Variants in LRRFIP1 observed in about 807,000 individuals in gnomAD.
LRRFIP1 encodes leucine-rich repeat flightless-interacting protein 1.
Under a neutral mutation model 104.4 loss-of-function variants are expected in LRRFIP1, and 62 were observed. That is an observed-to-expected ratio of 0.59 (90% CI 0.48 to 0.73). The LOEUF (loss-of-function observed/expected upper bound fraction) is 0.73. Among genes scored for constraint, LRRFIP1 ranks in the 30% least tolerant of loss-of-function variants. The pLI is 0.00. For missense variants in LRRFIP1, 796 were observed against 824.5 expected, an observed-to-expected ratio of 0.97 and a Z score of 0.42; for synonymous variants, 300 against 299.0, an observed-to-expected ratio of 1.00 and a Z score of -0.03.
chr2:237,632,621 C>T (rs112395880), intron 1 of LRRFIP1, among the ~76,000 whole-genome samples: 1,910 of 152,302 alleles, frequency 0.013, 15 homozygotes, highest in Non-Finnish European at 0.019. Flanking sequence ...TCAACCTGTG[C>T]GGAGGGAGCC....
chr2:237,769,315 G>A (rs1466434159), intron 19 of LRRFIP1: 1 of 152,396 alleles, frequency 6.6e-6, no homozygotes, highest in African/African-American at 2.4e-5. Context: ...GATGTTTGGG[G>A]AATTTATAGA....
At position 237,627,688 on chromosome 2, in the gene LRRFIP1, A is replaced by G. The variant is rs754375870; in HGVS notation, c.44A>G (p.Asn15Ser). ...TQGSGRKRLP[N>S]RERLTAEDDA... ...GGATCGGGGCGCAAGCGGCTCCCCA[A>G]CCGGGAGCGGCTCACGGCGGAGGAC... Residue 15 changes from asparagine to serine, a missense_variant, in exon 1 of 24, where the codon AAC (asparagine) becomes AGC (serine). Transcript: ENST00000308482. 2 of 1,371,032 alleles carry G rather than the reference A, an allele frequency of 1.5e-6. No individual in the cohort carries two copies. The highest frequency in any genetic ancestry group is 1.5e-5 in the South Asian group (1 of 66,090). The allele number at this position is 1,371,032 out of a possible 1,614,324, so 84.9% of individuals were successfully genotyped here.
chr2:237,742,461 G>A (rs1352493655), intron 11 of LRRFIP1, among the ~76,000 whole-genome samples: 2 of 152,166 alleles, frequency 1.3e-5, no homozygotes, highest in South Asian at 2.1e-4. Context: ...CAGTTCCCTC[G>A]CGGATGTGTT....
At chr2:237,674,817 G>T (rs1216744243) in intron 1 of LRRFIP1, among the ~76,000 whole-genome samples, 1 of 152,276 alleles carries the variant, frequency 6.6e-6, no homozygotes, top group Non-Finnish European at 1.5e-5. Flanking sequence ...GAGAGCTGGG[G>T]AAATGGTTTC....
chr2:237,727,822 T>C, intron 7 of LRRFIP1, 54 bp from the exon 8 acceptor site: 1 of 1,350,136 alleles, frequency 7.4e-7, no homozygotes, highest in Non-Finnish European at 1.0e-6. Context: ...GATTTGTACC[T>C]GTGAATTCAT....
intron 1 of LRRFIP1, among the ~76,000 whole-genome samples, chr2:237,675,696 A>T (rs536551160): frequency 1.3e-5 from 2 of 152,378 alleles, no homozygotes; most frequent in Non-Finnish European, 2.9e-5. Flanking sequence ...CATGGAAGAA[A>T]AAAGAACACT....
intron 1 of LRRFIP1, among the ~76,000 whole-genome samples, chr2:237,678,430 G>C (rs2091414982): frequency 6.6e-6 from 1 of 152,156 alleles, no homozygotes; most frequent in Non-Finnish European, 1.5e-5. Context: ...GTGTGTCAGG[G>C]ACAAATGTCA....
intron 1 of LRRFIP1, among the ~76,000 whole-genome samples, chr2:237,665,188 A>C (rs2088969985): frequency 6.6e-6 from 1 of 152,238 alleles, no homozygotes; most frequent in South Asian, 2.1e-4. Context: ...TAAAATTCTA[A>C]GGTTAAAGAA....
rs1006661838 is a variant in LRRFIP1, at chr2:237,766,935, C to T, written c.1460-3008C>T. Among the ~76,000 whole-genome samples, 1 of 152,222 alleles carries T rather than the reference C, an allele frequency of 6.6e-6. No individual in the cohort carries two copies. Among genetic ancestry groups the T allele is most frequent in the South Asian group, 2.1e-4 (1 of 4,824 alleles). ...CCTATAATCCCAGCACGTGGGAGGC[C>T]GAGGCAGGCAGATCACTTAAGCCCA... On this transcript the variant is annotated intron_variant, in intron 19 of 23. Coordinates refer to ENST00000308482, the MANE Select transcript of LRRFIP1 (RefSeq NM_001137550.2). This position sits in a 1 kb window ranked among gnomAD's most constrained non-coding sequence, Gnocchi z 4.8.
rs375809493 is a variant in LRRFIP1, at chr2:237,719,544, C to G, written c.271C>G (p.Arg91Gly). 1.2e-6 allele frequency: 2 copies of G among 1,613,402 alleles called. No individual in the cohort carries two copies. The highest frequency in any genetic ancestry group is 2.2e-5 in the East Asian group (1 of 44,856). ...TTAGGAAGACAGTGAGCGCTACTCT[C>G]GTAGATCCAGAAGAAACACATCGGT... Reference protein sequence around the residue: ...QWMEDSERYSRRSRRNTSASD... With the variant: ...QWMEDSERYSGRSRRNTSASD... The change falls in exon 5 of 24, where the codon CGT (arginine) becomes GGT (glycine). Residue 91 changes from arginine to glycine, a missense_variant. Physicochemically the swap from Arg to Gly is moderately radical, Grantham distance 125. Coordinates refer to ENST00000308482, the MANE Select transcript of LRRFIP1 (RefSeq NM_001137550.2).
intron 1 of LRRFIP1, among the ~76,000 whole-genome samples, chr2:237,642,030 G>T (rs917867781): frequency 1.3e-5 from 2 of 152,318 alleles, no homozygotes; most frequent in East Asian, 3.9e-4. Context: ...TACCCAGGGA[G>T]AGTGTGGTGT....
chr2:237,769,014 A>G (rs2060413567), intron 19 of LRRFIP1: 1 of 152,242 alleles, frequency 6.6e-6, no homozygotes, highest in African/African-American at 2.4e-5. Context: ...CAAGGCCTGA[A>G]GAAACTTGCT....
intron 10 of LRRFIP1, among the ~76,000 whole-genome samples, chr2:237,738,754 A>G (rs45534541): frequency 0.14 from 21,949 of 152,270 alleles, 1,739 homozygotes; most frequent in East Asian, 0.26. Flanking sequence ...AAAAAGCCAT[A>G]CATAATTTTG....
chr2:237,656,664 A>C (rs973255362), intron 1 of LRRFIP1, among the ~76,000 whole-genome samples: 29 of 152,360 alleles, frequency 1.9e-4, no homozygotes, highest in Admixed American at 5.9e-4. Context: ...CATAAATTAC[A>C]CATTAACTAC....
At chr2:237,631,540 A>G (rs146568043) in intron 1 of LRRFIP1, among the ~76,000 whole-genome samples, 15 of 152,316 alleles carry the variant, frequency 9.8e-5, no homozygotes, top group African/African-American at 3.6e-4. Context: ...ATCAGGAGAA[A>G]GGTTTAGTAC....
chr2:237,739,847 C>T (rs2095360935), intron 11 of LRRFIP1, among the ~76,000 whole-genome samples: 1 of 152,024 alleles, frequency 6.6e-6, no homozygotes, highest in Admixed American at 6.6e-5. Flanking sequence ...GTGTGTTTTC[C>T]CCTGGGTTGT....
intron 11 of LRRFIP1, among the ~76,000 whole-genome samples, chr2:237,744,915 G>A (rs755356398): frequency 9.9e-5 from 15 of 152,252 alleles, no homozygotes; most frequent in Non-Finnish European, 1.5e-4. Context: ...ACCGTCTGCA[G>A]CCACCATGTC....
In LRRFIP1 at chr2:237,776,351, C is replaced by T. The variant is rs546702650; in HGVS notation, c.1812+1889C>T. ...AAATTTGTCAATACTTGCTTAATGGCCTGATACATGATTCACTTTTGTAAA... is the reference window on the plus strand; with the variant it reads ...AAATTTGTCAATACTTGCTTAATGGTCTGATACATGATTCACTTTTGTAAA... On this transcript the variant is annotated intron_variant, in intron 23 of 23. Coordinates refer to ENST00000308482, the MANE Select transcript of LRRFIP1 (RefSeq NM_001137550.2). 1.7e-4 allele frequency among the ~76,000 whole-genome samples: 26 copies of T among 152,304 alleles called. No homozygotes were observed. In the South Asian group the frequency reaches 4.1e-3, roughly 24 times the overall value.
intron 9 of LRRFIP1, 123 bp downstream of exon 9, chr2:237,733,941 T>C: frequency 9.9e-7 from 1 of 1,014,426 alleles, no homozygotes; most frequent in Non-Finnish European, 1.5e-6. Flanking sequence ...CACCTTCACG[T>C]GGAGCTTACA....
Sources: allele counts gnomAD v4.1 joint callset (sites outside exome capture counted in the v4.1 genomes callset), GRCh38; gene constraint gnomAD v4.1.1; non-coding constraint Gnocchi (gnomAD v3.1); transcripts MANE v1.5; gene names NCBI Gene and HGNC (gene_info 2026-07-23, HGNC 2026-07-21).